Variants in RBFOX1 observed in about 807,000 individuals in gnomAD.
RBFOX1 encodes the protein RNA binding protein fox-1 homolog 1.
Under a neutral mutation model 57.7 loss-of-function variants are expected in RBFOX1, and 8 were observed. The ratio of observed to expected loss-of-function variants is 0.14; its 90% CI spans 0.08 to 0.25. The LOEUF is 0.25. RBFOX1 is among the 10% of genes least tolerant of loss of function. The pLI is 1.00. For synonymous variants in RBFOX1, 326 were observed against 222.4 expected (o/e 1.47, Z -4.15); for missense variants, 611 against 548.5 (o/e 1.11, Z -1.14).
chr16:7,334,615 GA>G (rs2096752762), intron 4 of RBFOX1, among the ~76,000 whole-genome samples: 1 of 152,186 alleles, frequency 6.6e-6, no homozygotes, highest in African/African-American at 2.4e-5. Context: ...GGCACCCACT[GA>G]AATGGGTGAA....
At chr16:6,062,090 TG>T (rs2095694019) in intron 1 of RBFOX1, among the ~76,000 whole-genome samples, 1 of 152,120 alleles carries the variant, frequency 6.6e-6, no homozygotes, top group Non-Finnish European at 1.5e-5. Flanking sequence ...TGGATAGAGA[TG>T]AACAGCCAAA....
Position 5,702,234 on chromosome 16 carries a change from A to G in RBFOX1, c.318+103273A>G, listed in dbSNP as rs562400428. 1.1e-4 allele frequency among the ~76,000 whole-genome samples: 17 copies of G among 152,336 alleles called. No homozygotes were observed. In the East Asian group the frequency reaches 3.3e-3, roughly 29 times the overall value. On this transcript the variant is annotated intron_variant, in intron 3 of 19. Coordinates refer to the RBFOX1 transcript ENST00000641259. ...ACTGGGAGACCTCAGGAAACTTACA[A>G]TTATAGCAGAAGGTGAATGGGAAGC...
At chr16:7,254,760 C>T (rs867030706) in intron 4 of RBFOX1, among the ~76,000 whole-genome samples, 3 of 152,058 alleles carry the variant, frequency 2.0e-5, no homozygotes, top group Admixed American at 6.6e-5. Flanking sequence ...GTCTCTGAAG[C>T]ATTATTGCTC....
chr16:5,359,358 A>G (rs2065479308), intron 1 of RBFOX1, among the ~76,000 whole-genome samples: 1 of 152,166 alleles, frequency 6.6e-6, no homozygotes, highest in Non-Finnish European at 1.5e-5. Flanking sequence ...ATCATATGGT[A>G]GCTCCACTTT....
rs1324035956 is a variant in RBFOX1 at position 6,209,847 on chromosome 16, T to C, written c.-126-107148T>C. Among the ~76,000 whole-genome samples the C allele has an allele frequency of 2.0e-5, 3 of 152,286 alleles. No homozygotes were observed. The East Asian group carries it at 5.8e-4, about 29-fold the overall frequency. ...GAGGCAGAGGGAATCGATAGAAACATGGTATGAAGGTCTATGCTCAGTTTC... is the reference window on the plus strand; with the variant it reads ...GAGGCAGAGGGAATCGATAGAAACACGGTATGAAGGTCTATGCTCAGTTTC... On this transcript the variant is annotated intron_variant, in intron 1 of 15. Coordinates refer to ENST00000550418, the MANE Select transcript of RBFOX1 (RefSeq NM_018723.4).
intron 4 of RBFOX1, among the ~76,000 whole-genome samples, chr16:5,944,979 A>AAAAAAC (rs2059369039): frequency 7.4e-6 from 1 of 134,476 alleles, no homozygotes; most frequent in African/African-American, 2.9e-5. Flanking sequence ...AAAAAAAAAA[A>AAAAAAC]AAAAAAAAAG....
chr16:7,317,385 A>T (rs1169657345), intron 4 of RBFOX1, among the ~76,000 whole-genome samples: 1 of 152,056 alleles, frequency 6.6e-6, no homozygotes, highest in African/African-American at 2.4e-5. Context: ...TCTTAGGCCA[A>T]AGCTCCCAGA....
At chr16:5,622,170 A>G (rs1237944065) in intron 3 of RBFOX1, among the ~76,000 whole-genome samples, 1 of 152,192 alleles carries the variant, frequency 6.6e-6, no homozygotes, top group African/African-American at 2.4e-5. Context: ...GATGATCCAC[A>G]ATCTACAGTG....
rs189979107 is a variant in RBFOX1, at chr16:6,024,803, A to G, written c.-127+4811A>G. On this transcript the variant is annotated intron_variant, in intron 1 of 15. Coordinates refer to ENST00000550418, the MANE Select transcript of RBFOX1 (RefSeq NM_018723.4). ...CCAGCCTCATTCACCCCTACTTTCT[A>G]TGAATTCCTGAGTGTTCATCAGGCA... 5.3e-4 allele frequency among the ~76,000 whole-genome samples: 80 copies of G among 152,296 alleles called. 1 individual carries two copies. Among genetic ancestry groups the G allele is most frequent in the Non-Finnish European group, 8.7e-4 (59 of 68,014 alleles).
chr16:5,313,706 A>G (rs1196624270), intron 1 of RBFOX1, among the ~76,000 whole-genome samples: 2 of 152,126 alleles, frequency 1.3e-5, no homozygotes, highest in Non-Finnish European at 1.5e-5. Context: ...TTTTAAAACC[A>G]TCAGATCTCC....
At chr16:6,088,054 C>T (rs925819446) in intron 1 of RBFOX1, among the ~76,000 whole-genome samples, 1 of 152,152 alleles carries the variant, frequency 6.6e-6, no homozygotes, top group South Asian at 2.1e-4. Flanking sequence ...ACAGCAGCCA[C>T]AACAAACTTT....
chr16:6,757,431 G>A (rs992061550), intron 3 of RBFOX1, among the ~76,000 whole-genome samples: 1 of 152,152 alleles, frequency 6.6e-6, no homozygotes. Context: ...TAAAAATGTG[G>A]TATATATGCA....
chr16:5,608,050 C>T (rs76805984), intron 3 of RBFOX1, among the ~76,000 whole-genome samples: 2,055 of 152,300 alleles, frequency 0.013, 10 homozygotes, highest in Middle Eastern at 0.027. Context: ...TCTTTGGTCA[C>T]AGAATAGGCA....
chr16:7,054,442 C>T (rs1008874543), intron 4 of RBFOX1, among the ~76,000 whole-genome samples: 5 of 149,684 alleles, frequency 3.3e-5, no homozygotes, highest in African/African-American at 1.2e-4. Flanking sequence ...GGGGTTTCAC[C>T]ATGTTGGCCA....
At chr16:5,425,470 G>A (rs2151498395) in intron 1 of RBFOX1, among the ~76,000 whole-genome samples, 1 of 152,184 alleles carries the variant, frequency 6.6e-6, no homozygotes, top group Admixed American at 6.5e-5. Flanking sequence ...CCCTGCCATA[G>A]CCCCCAAGTC....
intron 4 of RBFOX1, among the ~76,000 whole-genome samples, chr16:7,461,777 G>C (rs2059628242): frequency 6.6e-6 from 1 of 151,888 alleles, no homozygotes; most frequent in African/African-American, 2.4e-5. Flanking sequence ...GAGGTAGTGA[G>C]TGTTGGCATT....
At chr16:6,084,325 C>T (rs1296852510) in intron 1 of RBFOX1, among the ~76,000 whole-genome samples, 1 of 152,152 alleles carries the variant, frequency 6.6e-6, no homozygotes, top group Non-Finnish European at 1.5e-5. Flanking sequence ...CTCACGGCAG[C>T]CTCGACCTCC....
chr16:5,869,726 C>T lies in RBFOX1; in HGVS notation c.351+2391C>T, dbSNP rs576562918. On this transcript the variant is annotated intron_variant, in intron 4 of 19. Transcript: ENST00000641259. ...CTGTTCACAAGATATTTCTTATCCT[C>T]ATTTTACCTGTTGAAAAAAGGAGGT... is the stretch of plus-strand genomic sequence containing the variant. 2.6e-5 allele frequency among the ~76,000 whole-genome samples: 4 copies of T among 152,248 alleles called. No individual in the cohort carries two copies. In the East Asian group the frequency reaches 5.8e-4, roughly 22 times the overall value.
At chr16:7,076,318 C>T (rs928820709) in intron 4 of RBFOX1, among the ~76,000 whole-genome samples, 1 of 152,074 alleles carries the variant, frequency 6.6e-6, no homozygotes, top group Non-Finnish European at 1.5e-5. Flanking sequence ...AGGCGTGAAC[C>T]ACCACTCCCG....
Sources: gnomAD v4.1 joint callset for allele counts (sites outside exome capture counted in the v4.1 genomes callset) on GRCh38, gnomAD v4.1.1 for gene constraint, MANE v1.5 for transcripts, NCBI Gene and HGNC (gene_info 2026-07-23, HGNC 2026-07-21) for gene names.